The following UPF2 variants were observed in gnomAD, a reference collection of about 807,000 sequenced individuals.
UPF2 encodes regulator of nonsense transcripts 2.
UPF2 carries 17 observed loss-of-function variants against 141.4 expected under a neutral mutation model. That is an observed-to-expected ratio of 0.12 (90% confidence interval 0.08 to 0.18). UPF2 has a LOEUF of 0.18. Among genes scored for constraint, UPF2 ranks in the 10% least tolerant of loss-of-function variants. UPF2 has a pLI of 1.00. For synonymous variants in UPF2, 540 were observed against 498.0 expected, an observed-to-expected ratio of 1.08 and a Z score of -1.12; for missense variants, 1,152 against 1,515.9, an observed-to-expected ratio of 0.76 and a Z score of 3.99.
chr10:12,004,871 T>C (rs1429390452), intron 4 of UPF2, 144 bp from the exon 5 acceptor site: 1 of 731,282 alleles, frequency 1.4e-6, no homozygotes, highest in African/African-American at 1.8e-5. Flanking sequence ...CAAGCACATG[T>C]GACCGTTTTC....
In UPF2 at chr10:11,940,535, T is replaced by C. The variant is rs556311377; in HGVS notation, c.3378+2130A>G. Among the ~76,000 whole-genome samples, 1 of 152,208 alleles carries C rather than the reference T, an allele frequency of 6.6e-6. No homozygotes were observed. The highest frequency in any genetic ancestry group is 1.5e-5 in the Non-Finnish European group (1 of 68,038). On this transcript the variant is annotated intron_variant, in intron 18 of 21. Coordinates refer to ENST00000357604, the MANE Select transcript of UPF2 (RefSeq NM_015542.4). The surrounding 1 kb of genome is among the most constrained non-coding windows in gnomAD (Gnocchi z 4.2). ...GTGGACACGGCCAAAGGGAAACTTT[T>C]GCTCATTGGTCCCTTGTTTCCTGTC...
chr10:11,973,989 T>A (rs1232537866), intron 9 of UPF2, among the ~76,000 whole-genome samples: 6 of 152,246 alleles, frequency 3.9e-5, no homozygotes, highest in African/African-American at 1.4e-4. Context: ...ATGGCCATTT[T>A]CATGATATTG....
At position 12,012,765 on chromosome 10, in the gene UPF2, T is replaced by C. The variant is rs551570777; in HGVS notation, c.1306+1259A>G. The stretch of plus-strand genomic sequence containing the variant: ...AGTGAGCAGAGACCGCACCACTGCA[T>C]TCCAGCCTGGGCAACAGAGCAAGAC... On this transcript the variant is annotated intron_variant, in intron 4 of 21. Coordinates refer to ENST00000357604, the MANE Select transcript of UPF2 (RefSeq NM_015542.4). 1.7e-3 allele frequency among the ~76,000 whole-genome samples: 249 copies of C among 150,322 alleles called. 1 individual carries two copies. Among genetic ancestry groups the C allele is most frequent in the African/African-American group, 5.6e-3 (230 of 40,740 alleles).
intron 1 of UPF2, among the ~76,000 whole-genome samples, chr10:12,040,031 A>G (rs968735659): frequency 6.6e-6 from 1 of 152,230 alleles, no homozygotes; most frequent in South Asian, 2.1e-4. Context: ...TTAGTTCAAC[A>G]AAGTCCCAAA....
At chr10:12,024,687 C>A (rs1482836766) in intron 3 of UPF2, among the ~76,000 whole-genome samples, 1 of 150,916 alleles carries the variant, frequency 6.6e-6, no homozygotes, top group East Asian at 2.0e-4. Flanking sequence ...AATCCCAACA[C>A]TTTGGGAGGC....
At chr10:11,970,956 GGAGT>G (rs1564349851) in intron 9 of UPF2, among the ~76,000 whole-genome samples, 1 of 151,862 alleles carries the variant, frequency 6.6e-6, no homozygotes, top group African/African-American at 2.4e-5. Context: ...CATCTGCTAT[GGAGT>G]ATCACACCAT....
chr10:11,966,186 C>T (rs1049046259), intron 10 of UPF2, among the ~76,000 whole-genome samples: 1 of 152,110 alleles, frequency 6.6e-6, no homozygotes, highest in African/African-American at 2.4e-5. Context: ...TAAATTAGAT[C>T]ACCATTGGTA....
At chr10:12,003,021 G>A (rs965324271) in intron 5 of UPF2, among the ~76,000 whole-genome samples, 2 of 152,086 alleles carry the variant, frequency 1.3e-5, no homozygotes, top group African/African-American at 4.8e-5. Flanking sequence ...TTATTTGGGA[G>A]GATGAAAACT....
chr10:12,030,669 G>A (rs1460043513), intron 2 of UPF2, among the ~76,000 whole-genome samples: 1 of 151,618 alleles, frequency 6.6e-6, no homozygotes, highest in African/African-American at 2.4e-5. Flanking sequence ...AGATCACGAG[G>A]TCAGGAGATC....
chr10:11,987,343 A>G (rs542203482), intron 8 of UPF2, among the ~76,000 whole-genome samples: 3 of 152,356 alleles, frequency 2.0e-5, no homozygotes, highest in African/African-American at 7.2e-5. Flanking sequence ...AAGACAAAAA[A>G]AGATATAAAC....
Position 11,979,847 on chromosome 10 carries a change from G to C in UPF2, c.1845-682C>G, listed in dbSNP as rs933139639. Among the ~76,000 whole-genome samples the C allele has an allele frequency of 2.6e-5, 4 of 152,200 alleles. No individual in the cohort carries two copies. The highest frequency in any genetic ancestry group is 9.7e-5 in the African/African-American group (4 of 41,444). On this transcript the variant is annotated intron_variant, in intron 8 of 21. Transcript: ENST00000357604. The surrounding 1 kb of genome is among the most constrained non-coding windows in gnomAD (Gnocchi z 6.2). ...TTGAACCCAGGAGGTAGAAGTTGCA[G>C]TGAGCCCAGATCACGCCACTGCACT... is the stretch of plus-strand genomic sequence containing the variant.
At chr10:12,006,684 T>C (rs1054041462) in intron 4 of UPF2, among the ~76,000 whole-genome samples, 5 of 152,172 alleles carry the variant, frequency 3.3e-5, no homozygotes, top group African/African-American at 4.8e-5. Flanking sequence ...ATTGACAATA[T>C]TTAAAGAATA....
At chr10:12,040,057 AAT>A (rs2131323446) in intron 1 of UPF2, among the ~76,000 whole-genome samples, 1 of 152,344 alleles carries the variant, frequency 6.6e-6, no homozygotes, top group South Asian at 2.1e-4. Flanking sequence ...ATGACTCTTT[AAT>A]AAGATTCATG....
chr10:12,037,343 A>T (rs1025251159), intron 1 of UPF2, among the ~76,000 whole-genome samples: 1 of 151,980 alleles, frequency 6.6e-6, no homozygotes, highest in African/African-American at 2.4e-5. Context: ...GGGCCTCCCA[A>T]AGTGCTGGGA....
At chr10:11,930,731 G>A (rs931114946) in intron 20 of UPF2, among the ~76,000 whole-genome samples, 3 of 152,144 alleles carry the variant, frequency 2.0e-5, no homozygotes, top group Non-Finnish European at 2.9e-5. Context: ...CAGTGATTGC[G>A]CCACTGCACT....
chr10:11,952,414 A>G (rs113708407), intron 14 of UPF2, among the ~76,000 whole-genome samples, 165 bp from the exon 15 acceptor site: 8 of 151,780 alleles, frequency 5.3e-5, no homozygotes, highest in African/African-American at 1.7e-4. Context: ...TCCTATTCCA[A>G]TCATTTCCCT....
chr10:12,032,756 C>T (rs1024101), intron 2 of UPF2, among the ~76,000 whole-genome samples: 24,546 of 146,720 alleles, frequency 0.17, 2,458 homozygotes, highest in African/African-American at 0.29. Context: ...AAAAAAAAGA[C>T]TCTCTTAAGA....
rs1456364102 is a variant in UPF2 at position 11,953,145 on chromosome 10, T to G, written c.2851-896A>C. Among the ~76,000 whole-genome samples the G allele has an allele frequency of 1.3e-5, 2 of 152,244 alleles. No individual in the cohort carries two copies. Among genetic ancestry groups the G allele is most frequent in the Non-Finnish European group, 2.9e-5 (2 of 68,042 alleles). ...ACTTGTTTTAATTCCTAAATTTACA[T>G]TAACTGAAAGCACAACCCAAGAATT... is the stretch of plus-strand genomic sequence containing the variant. On this transcript the variant is annotated intron_variant, in intron 14 of 21. Transcript: ENST00000357604. This position sits in a 1 kb window ranked among gnomAD's most constrained non-coding sequence, Gnocchi z 5.0.
At chr10:11,922,235 C>A (rs77279621) in intron 21 of UPF2, among the ~76,000 whole-genome samples, 4 of 152,138 alleles carry the variant, frequency 2.6e-5, no homozygotes, top group Non-Finnish European at 5.9e-5. Flanking sequence ...TCCAGTGCTG[C>A]GAGACAACAG....
Sources: gnomAD v4.1 joint callset for allele counts (sites outside exome capture counted in the v4.1 genomes callset) on GRCh38, gnomAD v4.1.1 for gene constraint, Gnocchi (gnomAD v3.1) non-coding constraint, MANE v1.5 for transcripts, NCBI Gene and HGNC (gene_info 2026-07-23, HGNC 2026-07-21) for gene names.